GRID2: variants seen among roughly 807,000 people sequenced by gnomAD.
GRID2 encodes the protein glutamate ionotropic receptor delta type subunit 2, also known as glutamate receptor ionotropic, delta-2.
GRID2 carries 33 observed loss-of-function variants against 114.8 expected under a neutral mutation model. The observed-to-expected ratio is 0.29, with a 90% CI of 0.22 to 0.38. The LOEUF (loss-of-function observed/expected upper bound fraction) is 0.38. Ranked by LOEUF, GRID2 falls within the 10% of genes least tolerant of loss-of-function variation. The probability of loss-of-function intolerance (pLI) is 1.00; values close to 1 mark genes in which losing one functional copy is unlikely to be tolerated. For missense variants in GRID2, 1,184 were observed against 1,257.7 expected (o/e 0.94, Z 0.89); for synonymous variants, 505 against 449.9 (o/e 1.12, Z -1.55).
chr4:93,681,394 C>T (rs933587691), intron 14 of GRID2, among the ~76,000 whole-genome samples: 1 of 151,468 alleles, frequency 6.6e-6, no homozygotes, highest in African/African-American at 2.4e-5. Context: ...CATCAAGCTA[C>T]CAATGACTTT....
chr4:93,331,126 A>ACCC (rs34629868), intron 8 of GRID2, among the ~76,000 whole-genome samples: 11 of 123,646 alleles, frequency 8.9e-5, no homozygotes, highest in African/African-American at 3.0e-4. Context: ...CTGCTATCTA[A>ACCC]CCCCCCCCCC....
intron 4 of GRID2, among the ~76,000 whole-genome samples, chr4:93,178,003 C>G (rs897790070): frequency 1.3e-5 from 2 of 151,792 alleles, no homozygotes; most frequent in Admixed American, 1.3e-4. Flanking sequence ...TTAGCTTGTA[C>G]CTTTAATTTC....
At chr4:92,627,011 G>A (rs1460284862) in intron 2 of GRID2, among the ~76,000 whole-genome samples, 1 of 151,970 alleles carries the variant, frequency 6.6e-6, no homozygotes, top group Non-Finnish European at 1.5e-5. Context: ...TAATAACTAA[G>A]GTAAAAACTC....
At chr4:93,809,129 C>T (rs1371608832) in exon 2 of GRID2, 1 of 152,208 alleles carries the variant, frequency 6.6e-6, no homozygotes, top group African/African-American at 2.4e-5. Flanking sequence ...GCTCCCCTTA[C>T]ATACACACAA....
At chr4:92,902,765 T>C (rs553700486) in intron 2 of GRID2, among the ~76,000 whole-genome samples, 2 of 152,168 alleles carry the variant, frequency 1.3e-5, no homozygotes, top group South Asian at 2.1e-4. Flanking sequence ...TCCCAACATA[T>C]GTTTTTGTCG....
chr4:92,807,937 A>G (rs1740495162), intron 2 of GRID2, among the ~76,000 whole-genome samples: 1 of 151,896 alleles, frequency 6.6e-6, no homozygotes, highest in Admixed American at 6.6e-5. Flanking sequence ...AATCCCCAAA[A>G]CCTGTGAACA....
At chr4:92,900,651 A>C (rs1319284385) in intron 2 of GRID2, among the ~76,000 whole-genome samples, 1 of 152,122 alleles carries the variant, frequency 6.6e-6, no homozygotes, top group African/African-American at 2.4e-5. Context: ...TAACACGGTG[A>C]AACCCTATCT....
intron 4 of GRID2, among the ~76,000 whole-genome samples, chr4:93,200,538 C>T (rs891808312): frequency 8.6e-5 from 13 of 151,218 alleles, no homozygotes; most frequent in African/African-American, 3.2e-4. Context: ...TGCACTCCAG[C>T]CTGGGCGACA....
At chr4:92,965,933 G>A (rs911772132) in intron 2 of GRID2, among the ~76,000 whole-genome samples, 3 of 151,768 alleles carry the variant, frequency 2.0e-5, no homozygotes, top group Middle Eastern at 3.2e-3. Flanking sequence ...CCAAATTCTT[G>A]TTCATTGATT....
chr4:92,432,939 C>A (rs1732536107), intron 1 of GRID2, among the ~76,000 whole-genome samples: 1 of 152,116 alleles, frequency 6.6e-6, no homozygotes, highest in Admixed American at 6.5e-5. Flanking sequence ...ACTCAAAGCC[C>A]AAGGGCTCTT....
intron 1 of GRID2, among the ~76,000 whole-genome samples, chr4:92,537,761 T>G (rs1725717672): frequency 1.3e-5 from 2 of 150,052 alleles, no homozygotes; most frequent in South Asian, 4.2e-4. Flanking sequence ...AGCTGGCAAG[T>G]GATCTGCTTT....
At chr4:92,860,322 G>A (rs1578329181) in intron 2 of GRID2, among the ~76,000 whole-genome samples, 1 of 152,140 alleles carries the variant, frequency 6.6e-6, no homozygotes, top group East Asian at 1.9e-4. Flanking sequence ...ATTTTACAAG[G>A]CTTTGCTTAC....
At position 92,330,245 on chromosome 4, in the gene GRID2, G is replaced by A. The variant is rs187590780; in HGVS notation, c.88+25501G>A. On this transcript the variant is annotated intron_variant, in intron 1 of 15. Coordinates refer to ENST00000282020, the MANE Select transcript of GRID2 (RefSeq NM_001510.4). ...ATACGAATATATTCTCACACCCTCC[G>A]TTTTTTAGTCAAAAACCTCTCCCTG... Among the ~76,000 whole-genome samples the A allele has an allele frequency of 5.9e-5, 9 of 152,108 alleles. No individual in the cohort carries two copies. The East Asian group carries it at 1.4e-3, about 23-fold the overall frequency.
chr4:93,551,586 A>G (rs1733757934), intron 13 of GRID2, among the ~76,000 whole-genome samples: 3 of 152,188 alleles, frequency 2.0e-5, no homozygotes, highest in African/African-American at 7.2e-5. Flanking sequence ...TAGGTAATGG[A>G]AAGAAAGCAC....
chr4:93,250,164 CA>C (rs567746891), intron 8 of GRID2, among the ~76,000 whole-genome samples: 63 of 152,220 alleles, frequency 4.1e-4, no homozygotes, highest in Non-Finnish European at 6.8e-4. Context: ...ACTATGCAGC[CA>C]TAAAAAAGGA....
At chr4:93,808,523 C>T (rs937491283) in exon 2 of GRID2, 1 of 152,194 alleles carries the variant, frequency 6.6e-6, no homozygotes, top group Non-Finnish European at 1.5e-5. Context: ...TCTGTTCCTA[C>T]CTCTCACCCT....
At chr4:92,655,744 T>G (rs1287215906) in intron 2 of GRID2, among the ~76,000 whole-genome samples, 1 of 151,844 alleles carries the variant, frequency 6.6e-6, no homozygotes, top group African/African-American at 2.4e-5. Context: ...TTACCAAATG[T>G]ATCAGTTCTA....
At chr4:93,092,446 T>A (rs1380516727) in intron 3 of GRID2, among the ~76,000 whole-genome samples, 2 of 151,958 alleles carry the variant, frequency 1.3e-5, no homozygotes, top group African/African-American at 4.8e-5. Flanking sequence ...CAACCCTCTT[T>A]GGCTTTCCCT....
chr4:93,536,553 T>C (rs1011133409), intron 13 of GRID2, among the ~76,000 whole-genome samples: 1 of 151,742 alleles, frequency 6.6e-6, no homozygotes, highest in African/African-American at 2.4e-5. Flanking sequence ...AAAGACTTTA[T>C]TGTAAGATGT....
Sources: allele counts gnomAD v4.1 joint callset (sites outside exome capture counted in the v4.1 genomes callset), GRCh38; gene constraint gnomAD v4.1.1; transcripts MANE v1.5; gene names NCBI Gene and HGNC (gene_info 2026-07-23, HGNC 2026-07-21).